ARHGAP15: variants seen among roughly 807,000 people sequenced by gnomAD.
ARHGAP15 encodes the protein Rho GTPase activating protein 15, also known as rho GTPase-activating protein 15.
A neutral mutation model predicts 63.7 loss-of-function variants in ARHGAP15; 51 were observed. The observed-to-expected ratio is 0.80, with a 90% confidence interval of 0.64 to 1.01. The LOEUF (loss-of-function observed/expected upper bound fraction) is 1.01, where lower values mean the gene tolerates loss of function less well. Ranked by LOEUF, ARHGAP15 falls within the 50% of genes least tolerant of loss-of-function variation. ARHGAP15 has a pLI of 0.00. For missense variants in ARHGAP15, 560 were observed against 564.6 expected, an observed-to-expected ratio of 0.99 and a Z score of 0.08; for synonymous variants, 191 against 193.8, an observed-to-expected ratio of 0.99 and a Z score of 0.12.
chr2:143,339,243 G>A (rs1049930599), intron 6 of ARHGAP15, among the ~76,000 whole-genome samples: 7 of 152,082 alleles, frequency 4.6e-5, no homozygotes, highest in African/African-American at 1.7e-4. Flanking sequence ...TGTGACCTTG[G>A]TGGCAGGCAC....
chr2:143,376,882 C>T (rs1686834566), intron 6 of ARHGAP15, among the ~76,000 whole-genome samples: 1 of 151,908 alleles, frequency 6.6e-6, no homozygotes, highest in Non-Finnish European at 1.5e-5. Flanking sequence ...AAATGCATTC[C>T]TTTTTTGCTT....
chr2:143,732,733 A>G (rs1685588805), intron 13 of ARHGAP15, among the ~76,000 whole-genome samples: 1 of 151,988 alleles, frequency 6.6e-6, no homozygotes, highest in Non-Finnish European at 1.5e-5. Context: ...AAAACTCACT[A>G]AACAGTACAC....
chr2:143,165,766 T>G (rs1690474213), intron 2 of ARHGAP15, among the ~76,000 whole-genome samples: 1 of 152,040 alleles, frequency 6.6e-6, no homozygotes, highest in African/African-American at 2.4e-5. Context: ...CACACTGTGG[T>G]CTTACCTATT....
intron 12 of ARHGAP15, among the ~76,000 whole-genome samples, chr2:143,675,380 A>G (rs1682774818): frequency 6.6e-6 from 1 of 152,142 alleles, no homozygotes. Context: ...TCTGCCTATG[A>G]ATCATGAATG....
chr2:143,657,458 T>C (rs1681514736), intron 12 of ARHGAP15, among the ~76,000 whole-genome samples: 1 of 152,236 alleles, frequency 6.6e-6, no homozygotes, highest in Non-Finnish European at 1.5e-5. Flanking sequence ...ATGTCGCTGA[T>C]GTACACTTCA....
chr2:143,461,839 C>T (rs1275171948), intron 8 of ARHGAP15, among the ~76,000 whole-genome samples: 3 of 152,100 alleles, frequency 2.0e-5, no homozygotes, highest in African/African-American at 7.2e-5. Context: ...TAGGTCTTAG[C>T]AATAGTTCCA....
chr2:143,182,385 GCAGT>G (rs568260001), intron 2 of ARHGAP15, among the ~76,000 whole-genome samples: 59 of 152,216 alleles, frequency 3.9e-4, no homozygotes, highest in Admixed American at 7.2e-4. Flanking sequence ...AGTTGGTGGG[GCAGT>G]CAGAACACAC....
chr2:143,613,974 T>A (rs1320503705), intron 11 of ARHGAP15, among the ~76,000 whole-genome samples: 1 of 152,188 alleles, frequency 6.6e-6, no homozygotes, highest in East Asian at 1.9e-4. Flanking sequence ...TGCCTTCTTT[T>A]CTATCCTCAA....
At chr2:143,236,114 G>A (rs1210093723) in intron 5 of ARHGAP15, 18 of 1,025,132 alleles carry the variant, frequency 1.8e-5, no homozygotes, top group Non-Finnish European at 2.4e-5. Flanking sequence ...ACTCCTACCA[G>A]GTGTCATATA....
chr2:143,300,180 G>A (rs570769212), intron 6 of ARHGAP15, among the ~76,000 whole-genome samples: 2 of 151,998 alleles, frequency 1.3e-5, no homozygotes, highest in Non-Finnish European at 2.9e-5. Flanking sequence ...ATGTAGAAGG[G>A]ACCAGGTCTG....
At chr2:143,351,544 A>G (rs1434686727) in intron 6 of ARHGAP15, 3 of 152,186 alleles carry the variant, frequency 2.0e-5, no homozygotes, top group Non-Finnish European at 4.4e-5. Flanking sequence ...AATTTGCCCT[A>G]GGTGGTCAGA....
chr2:143,649,601 C>A (rs759001845), intron 12 of ARHGAP15, among the ~76,000 whole-genome samples: 1 of 151,886 alleles, frequency 6.6e-6, no homozygotes, highest in Admixed American at 6.6e-5. Context: ...ATTGCTTGTC[C>A]AATGCTCTCC....
At position 143,421,784 on chromosome 2, in the gene ARHGAP15, A is replaced by G. The variant is rs201825348; in HGVS notation, c.475-13817A>G. On this transcript the variant is annotated intron_variant, in intron 6 of 13. Coordinates refer to ENST00000295095, the MANE Select transcript of ARHGAP15 (RefSeq NM_018460.4). Reference sequence around the variant, plus strand: ...ACATGGTGTATATATATATATATATATATATATATATATATATGTGTGTGT... The same window carrying G: ...ACATGGTGTATATATATATATATATGTATATATATATATATATGTGTGTGT... Among the ~76,000 whole-genome samples, 167 of 80,442 alleles carry G rather than the reference A, an allele frequency of 2.1e-3. 2 individuals carry two copies. In the Middle Eastern group the frequency reaches 0.031, roughly 15 times the overall value. 52.8% of individuals were successfully genotyped at this position (80,442 alleles called of 152,430 possible).
rs530246327 is a variant in ARHGAP15 at position 143,131,588 on chromosome 2, T to C, written c.-15+2122T>C. ...ACTTGGTACCTAGAAAGATAGACCC[T>C]TCCATTCACTGGCTCCTTCCATTCA... On this transcript the variant is annotated intron_variant, in intron 1 of 13. Transcript: ENST00000295095. Among the ~76,000 whole-genome samples the C allele has an allele frequency of 4.6e-5, 7 of 152,308 alleles. No homozygotes were observed. The South Asian group carries it at 1.4e-3, about 32-fold the overall frequency.
At chr2:143,370,100 A>G (rs950023270) in intron 6 of ARHGAP15, among the ~76,000 whole-genome samples, 1 of 152,176 alleles carries the variant, frequency 6.6e-6, no homozygotes. Context: ...ACATCATTTT[A>G]TGTAATAAAA....
chr2:143,244,921 G>A (rs976577919), intron 5 of ARHGAP15, among the ~76,000 whole-genome samples: 3 of 152,184 alleles, frequency 2.0e-5, no homozygotes, highest in Non-Finnish European at 4.4e-5. Flanking sequence ...ATTATGGATG[G>A]TGAAAGAAAG....
chr2:143,442,683 G>C (rs980356057), intron 8 of ARHGAP15, among the ~76,000 whole-genome samples: 5 of 152,094 alleles, frequency 3.3e-5, no homozygotes, highest in African/African-American at 7.2e-5. Context: ...ATTAAGTCTG[G>C]AATTGTCCCA....
chr2:143,140,795 G>A (rs1391941233), intron 1 of ARHGAP15, among the ~76,000 whole-genome samples: 1 of 152,044 alleles, frequency 6.6e-6, no homozygotes, highest in Non-Finnish European at 1.5e-5. Flanking sequence ...TGGTGTTAGC[G>A]CATCCACTTA....
chr2:143,487,402 A>G lies in ARHGAP15; in HGVS notation c.733A>G (p.Thr245Ala), dbSNP rs763844265. ...CAGACTGCATCACAGTGCTTCCGAT[A>G]CAAGCGACAAAAATCGAGTTAAAAG... is the stretch of plus-strand genomic sequence containing the variant. The part of the protein sequence containing the change: ...MFRLHHSASD[T>A]SDKNRVKSRL... The change falls in exon 9 of 14, where the codon ACA becomes GCA. Residue 245 changes from threonine to alanine, a missense_variant. Thr to Ala is a moderately conservative substitution (Grantham distance 58). Transcript: ENST00000295095. 6.2e-7 allele frequency: 1 copy of G among 1,613,892 alleles called. No individual in the cohort carries two copies. The highest frequency in any genetic ancestry group is 8.5e-7 in the Non-Finnish European group (1 of 1,179,886).
Sources: gnomAD v4.1 joint callset for allele counts (sites outside exome capture counted in the v4.1 genomes callset) on GRCh38, gnomAD v4.1.1 for gene constraint, MANE v1.5 for transcripts, NCBI Gene and HGNC (gene_info 2026-07-23, HGNC 2026-07-21) for gene names.